Variants in PGM3 observed in about 807,000 individuals in gnomAD.
The protein encoded by PGM3 is phosphoacetylglucosamine mutase.
A neutral mutation model predicts 66.2 loss-of-function variants in PGM3; 40 were observed. The ratio of observed to expected loss-of-function variants is 0.60; its 90% CI spans 0.47 to 0.79. The LOEUF (loss-of-function observed/expected upper bound fraction) is 0.79. Among genes scored for constraint, PGM3 ranks in the 30% least tolerant of loss-of-function variants. The probability of loss-of-function intolerance (pLI) is 0.00; values close to 1 mark genes in which losing one functional copy is unlikely to be tolerated. For missense variants in PGM3, 537 were observed against 643.4 expected (o/e 0.83, Z 1.79); for synonymous variants, 191 against 224.2 (o/e 0.85, Z 1.32).
chr6:83,161,717 C>T (rs565372773), downstream of PGM3, among the ~76,000 whole-genome samples: 1 of 152,222 alleles, frequency 6.6e-6, no homozygotes, highest in African/African-American at 2.4e-5. Context: ...CAGAAGCATT[C>T]TTATTCTTGT....
chr6:83,182,257 A>G (rs1215822723), intron 5 of PGM3, among the ~76,000 whole-genome samples: 2 of 152,222 alleles, frequency 1.3e-5, no homozygotes, highest in African/African-American at 2.4e-5. Context: ...ATAAGCACAC[A>G]GACAAATGGG....
the PGM3 span, chr6:83,154,283 TG>T: frequency 6.4e-7 from 1 of 1,552,206 alleles, no homozygotes; most frequent in Non-Finnish European, 8.9e-7. Context: ...TTCCTGTACA[TG>T]GTTCCTTCTT....
At chr6:83,158,741 A>C, downstream of PGM3, 2 of 722,932 alleles carry the variant, frequency 2.8e-6, no homozygotes, top group East Asian at 5.7e-5. Context: ...TTATTATCTA[A>C]TTGATTACGT....
chr6:83,162,662 A>C, downstream of PGM3: 1 of 1,028,222 alleles, frequency 9.7e-7, no homozygotes, highest in Non-Finnish European at 1.4e-6. Flanking sequence ...CAAGGCTACG[A>C]GTGGCACATC....
chr6:83,168,147 G>A lies in PGM3; in HGVS notation c.*1087C>T, dbSNP rs1220882320. 1.2e-6 allele frequency: 2 copies of A among 1,612,274 alleles called. No homozygotes were observed. The highest frequency in any genetic ancestry group is 1.7e-6 in the Non-Finnish European group (2 of 1,179,510). On this transcript the variant is annotated 3_prime_UTR_variant, in exon 13 of 13. Coordinates refer to ENST00000513973, the MANE Select transcript of PGM3 (RefSeq NM_015599.3). Reference sequence around the variant, plus strand: ...AGAGATGGTAGAAAAAGATTTTCTGGAAGGGATGATAAAAACTTGAGCACC... The same window carrying A: ...AGAGATGGTAGAAAAAGATTTTCTGAAAGGGATGATAAAAACTTGAGCACC...
intron 4 of PGM3, among the ~76,000 whole-genome samples, chr6:83,185,336 T>C (rs1562426874): frequency 6.6e-6 from 1 of 152,236 alleles, no homozygotes; most frequent in Non-Finnish European, 1.5e-5. Context: ...TTATTTCAGT[T>C]ATACACACAA....
At position 83,188,617 on chromosome 6, in the gene PGM3, G is replaced by T. The variant is rs1371559781; in HGVS notation, c.386C>A (p.Thr129Asn). The change falls in exon 3 of 13, where the codon ACC becomes AAC. Residue 129 changes from threonine to asparagine, a missense_variant. By Grantham distance (65) the Thr-to-Asn change is moderately conservative. Coordinates refer to ENST00000513973, the MANE Select transcript of PGM3 (RefSeq NM_015599.3). ...QDAFVVIGRD[T>N]RPSSEKLSQS... ...TACCAGTAACTCTTATCATCACCTG[G>T]TATCTCTACCAATAACTACAAAGGC... is the stretch of plus-strand genomic sequence containing the variant. The T allele has an allele frequency of 1.2e-6, 2 of 1,608,426 alleles. No individual in the cohort carries two copies. Among genetic ancestry groups the T allele is most frequent in the Admixed American group, 1.7e-5 (1 of 59,946 alleles).
the PGM3 span, chr6:83,151,728 A>G: frequency 2.7e-6 from 4 of 1,506,212 alleles, no homozygotes; most frequent in African/African-American, 4.2e-5. Flanking sequence ...GAGAGAGTCA[A>G]ATAAAATAAA....
Position 83,185,241 on chromosome 6 carries a change from T to G in PGM3, c.457+1767A>C, listed in dbSNP as rs147605790. On this transcript the variant is annotated intron_variant, in intron 4 of 12. Transcript: ENST00000513973. ...CCTGCCAATGGGCCATGGAATTTAC[T>G]TAGTGAGACACAACCAGCATTTGTG... Among the ~76,000 whole-genome samples the G allele has an allele frequency of 9.5e-4, 145 of 152,350 alleles. 1 individual carries two copies. The highest frequency in any genetic ancestry group is 3.3e-3 in the African/African-American group (137 of 41,592).
chr6:83,149,018 A>AG, the PGM3 span, among the ~76,000 whole-genome samples: 1 of 152,058 alleles, frequency 6.6e-6, no homozygotes, highest in Non-Finnish European at 1.5e-5. Context: ...GGCCTGTTTA[A>AG]GAAAAAAAAA....
At chr6:83,159,749 G>A (rs1338011708), downstream of PGM3, 2 of 1,605,636 alleles carry the variant, frequency 1.2e-6, no homozygotes, top group Non-Finnish European at 1.7e-6. Context: ...AGGAATTCCT[G>A]TGAGTAAATG....
chr6:83,178,065 G>A (rs1035189124), intron 8 of PGM3, among the ~76,000 whole-genome samples: 1 of 152,100 alleles, frequency 6.6e-6, no homozygotes, highest in African/African-American at 2.4e-5. Flanking sequence ...AATCAAGTCT[G>A]CCTTACCATT....
At position 83,168,873 on chromosome 6, in the gene PGM3, C is replaced by G; in HGVS notation, c.*361G>C. On this transcript the variant is annotated 3_prime_UTR_variant, in exon 13 of 13. Coordinates refer to ENST00000513973, the MANE Select transcript of PGM3 (RefSeq NM_015599.3). ...GGGAATGCTGCAAAACATCATCTTG[C>G]TCATGTGATGGTGATGGCAAAGATA... 9.5e-7 allele frequency: 1 copy of G among 1,049,130 alleles called. No individual in the cohort carries two copies. The highest frequency in any genetic ancestry group is 1.2e-6 in the Non-Finnish European group (1 of 867,728). The allele number at this position is 1,049,130 out of a possible 1,614,324, so 65.0% of individuals were successfully genotyped here. A position where few individuals can be genotyped will look rare whatever the true frequency, so the allele number is the denominator to read the frequency against.
the PGM3 span, chr6:83,156,039 A>G: frequency 7.4e-6 from 12 of 1,613,816 alleles, no homozygotes; most frequent in Non-Finnish European, 1.0e-5. Flanking sequence ...TTCTTAAAAG[A>G]TTAGCATTTG....
At position 83,188,666 on chromosome 6, in the gene PGM3, C is replaced by T; in HGVS notation, c.337G>A (p.Glu113Lys). The change falls in exon 3 of 13, where the codon GAA becomes AAA. Residue 113 changes from glutamate (E) to lysine (K), a missense_variant. By Grantham distance (56) the Glu-to-Lys change is moderately conservative. Transcript: ENST00000513973. ...QRVLIDISEKEAVNLQQDAFV... is the reference protein window; with the variant it reads ...QRVLIDISEKKAVNLQQDAFV... ...GCATCTTGTTGCAGATTCACAGCTTCTTTCTCGCTGATGTCAATAAGCACT... is the reference window on the plus strand; with the variant it reads ...GCATCTTGTTGCAGATTCACAGCTTTTTTCTCGCTGATGTCAATAAGCACT... The T allele has an allele frequency of 6.2e-7, 1 of 1,614,034 alleles. No individual in the cohort carries two copies. The highest frequency in any genetic ancestry group is 8.5e-7 in the Non-Finnish European group (1 of 1,179,932).
At chr6:83,183,451 C>T (rs146114186) in intron 4 of PGM3, among the ~76,000 whole-genome samples, 4 of 152,122 alleles carry the variant, frequency 2.6e-5, no homozygotes, top group Non-Finnish European at 5.9e-5. Flanking sequence ...AATTGAGCTA[C>T]GGTTTTCAGA....
At position 83,167,419 on chromosome 6, in the gene PGM3, TTAAC is replaced by T. The variant is rs1359423591; in HGVS notation, c.*1811_*1814del. On this transcript the variant is annotated 3_prime_UTR_variant, in exon 13 of 13. Coordinates refer to ENST00000513973, the MANE Select transcript of PGM3 (RefSeq NM_015599.3). ...TTTAGGCCATTTAGATAAAAGGGAA[TTAAC>T]TAATTATAATAAAAGGGGATATATT... The T allele has an allele frequency of 1.0e-6, 1 of 982,066 alleles. No individual in the cohort carries two copies. The highest frequency in any genetic ancestry group is 1.1e-4 in the East Asian group (1 of 8,790). 60.8% of individuals were successfully genotyped at this position (982,066 alleles called of 1,614,324 possible).
chr6:83,156,592 G>A (rs952315554), downstream of PGM3, among the ~76,000 whole-genome samples: 2 of 152,120 alleles, frequency 1.3e-5, no homozygotes, highest in Admixed American at 6.6e-5. Flanking sequence ...ATCAGTACAC[G>A]TGTCATCACC....
Position 83,181,725 on chromosome 6 carries a change from G to A in PGM3, c.787+11C>T, listed in dbSNP as rs2128497275. 1 of 1,592,310 alleles carries A rather than the reference G, an allele frequency of 6.3e-7. No homozygotes were observed. Among genetic ancestry groups the A allele is most frequent in the Non-Finnish European group, 8.5e-7 (1 of 1,170,258 alleles). On this transcript the variant is annotated intron_variant, in intron 6 of 12. Transcript: ENST00000513973. ...TTAAAAACAAATTTTTGCAGTGCTA[G>A]TACGACATACCCTGTGGAGGTTTCT...
Sources: allele counts gnomAD v4.1 joint callset (sites outside exome capture counted in the v4.1 genomes callset), GRCh38; gene constraint gnomAD v4.1.1; transcripts MANE v1.5; gene names NCBI Gene and HGNC (gene_info 2026-07-23, HGNC 2026-07-21).